Variants in INF2 observed in about 807,000 individuals in gnomAD.
INF2 encodes inverted formin 2.
Under a neutral mutation model 123.5 loss-of-function variants are expected in INF2, and 43 were observed. That is an observed-to-expected ratio of 0.35 (90% CI 0.27 to 0.45). The LOEUF is 0.45. Among genes scored for constraint, INF2 ranks in the 20% least tolerant of loss-of-function variants. INF2 has a pLI of 1.00. For synonymous variants in INF2, 851 were observed against 745.0 expected, an observed-to-expected ratio of 1.14 and a Z score of -2.32; for missense variants, 1,453 against 1,682.7, an observed-to-expected ratio of 0.86 and a Z score of 2.39.
chr14:104,698,042 CGAA>C (rs1889275019), intron 1 of INF2, among the ~76,000 whole-genome samples: 1 of 152,218 alleles, frequency 6.6e-6, no homozygotes, highest in Non-Finnish European at 1.5e-5. Context: ...GAAAAGATTG[CGAA>C]GAACGCAAAT....
Position 104,708,452 on chromosome 14 carries a change from G to C in INF2, c.1752G>C (p.Trp584Cys). Reference sequence around the variant, plus strand: ...ACCCGACAGAGCACAACTCTATGTGGGCGTCCCTGAGCAGCCCCGACGCCG... The same window carrying C: ...ACCCGACAGAGCACAACTCTATGTGCGCGTCCCTGAGCAGCCCCGACGCCG... The part of the protein sequence containing the change: ...SNVAREHNSM[W>C]ASLSSPDAEA... The change falls in exon 9 of 23, where the codon TGG (tryptophan) becomes TGC (cysteine). Residue 584 changes from tryptophan (W) to cysteine (C), a missense_variant. Trp to Cys is a radical substitution (Grantham distance 215). Around this residue, in one of 8 missense-constraint regions of INF2, gnomAD observed 192 missense variants for 274.4 expected, o/e 0.70. Coordinates refer to ENST00000392634, the MANE Select transcript of INF2 (RefSeq NM_022489.4). 1.2e-6 allele frequency: 2 copies of C among 1,612,244 alleles called. No homozygotes were observed. The highest frequency in any genetic ancestry group is 1.7e-6 in the Non-Finnish European group (2 of 1,179,790).
In INF2 at chr14:104,684,148, A is replaced by G. The variant is rs1166824362; in HGVS notation, c.-104+2566A>G. The stretch of plus-strand genomic sequence containing the variant: ...GCTGAGCGGCTCTCCCCATCATGCA[A>G]GTAACCTGCGTGCCGCCACGGGAAA... On this transcript the variant is annotated intron_variant, in intron 1 of 2. Coordinates refer to the INF2 transcript ENST00000674723. This position sits in a 1 kb window ranked among gnomAD's most constrained non-coding sequence, Gnocchi z 5.0. The G allele has an allele frequency of 6.6e-6, 3 of 455,938 alleles. No homozygotes were observed. Among genetic ancestry groups the G allele is most frequent in the South Asian group, 4.6e-5 (3 of 64,524 alleles). The allele number at this position is 455,938 out of a possible 1,614,324, so 28.2% of individuals were successfully genotyped here.
At position 104,711,991 on chromosome 14, in the gene INF2, C is replaced by T. The variant is rs112598276; in HGVS notation, c.2489+292C>T. Among the ~76,000 whole-genome samples the T allele has an allele frequency of 0.021, 3,234 of 152,296 alleles. 65 individuals carry two copies. Among genetic ancestry groups the T allele is most frequent in the African/African-American group, 0.057 (2,359 of 41,568 alleles). The stretch of plus-strand genomic sequence containing the variant: ...AGCCCCTTCACAAGGTGGACCTTCA[C>T]GACAGCCGTGAGCAGGCTCGGGCCT... On this transcript the variant is annotated intron_variant, in intron 16 of 22. Coordinates refer to ENST00000392634, the MANE Select transcript of INF2 (RefSeq NM_022489.4).
Position 104,721,290 on chromosome 14 carries a change from CGTCTGCGT to C in INF2, c.*2498_*2505del. 2 of 130,324 alleles carry C rather than the reference CGTCTGCGT, an allele frequency of 1.5e-5. No homozygotes were observed. Among genetic ancestry groups the C allele is most frequent in the African/African-American group, 3.1e-5 (1 of 32,388 alleles). The allele number at this position is 130,324 out of a possible 1,614,324, so 8.1% of individuals were successfully genotyped here. ...AGTCTCGTGTGGATGCTGCTGTGGA[CGTCTGCGT>C]AGTCTCGTGTGGATGCTGCTGTGGA... On this transcript the variant is annotated 3_prime_UTR_variant, in exon 23 of 23. Transcript: ENST00000392634.
At position 104,715,309 on chromosome 14, in the gene INF2, T is replaced by G; in HGVS notation, c.3720T>G (p.Asn1240Lys). The part of the protein sequence containing the change: ...QEEVPPDSDD[N>K]KTKKLCVIQ ...AGGTTCCCCCTGATTCTGATGATAA[T>G]AAAACAAAGAAACTGTGTGTGATCC... Residue 1240 changes from asparagine to lysine, a missense_variant, in exon 22 of 23, where the codon AAT becomes AAG. Physicochemically the swap from Asn to Lys is moderately conservative, Grantham distance 94. Transcript: ENST00000392634. 6.2e-7 allele frequency: 1 copy of G among 1,613,610 alleles called. No individual in the cohort carries two copies. The highest frequency in any genetic ancestry group is 8.5e-7 in the Non-Finnish European group (1 of 1,179,838).
upstream of INF2, chr14:104,689,517 C>T: frequency 7.8e-6 from 4 of 511,382 alleles, no homozygotes; most frequent in Non-Finnish European, 1.0e-5. Flanking sequence ...CCACCTCCCC[C>T]CCCAGGCCCC....
At position 104,689,694 on chromosome 14, in the gene INF2, A is replaced by C; in HGVS notation, c.-55A>C. On this transcript the variant is annotated 5_prime_UTR_variant, in exon 1 of 23. Coordinates refer to ENST00000392634, the MANE Select transcript of INF2 (RefSeq NM_022489.4). ...CCCGCAGCCCCTGACCCGGCCCCGGACGGAGCGCCGGCCGCACCACCGCCC... is the reference window on the plus strand; with the variant it reads ...CCCGCAGCCCCTGACCCGGCCCCGGCCGGAGCGCCGGCCGCACCACCGCCC... The C allele has an allele frequency of 1.0e-6, 1 of 984,264 alleles. No homozygotes were observed. The highest frequency in any genetic ancestry group is 1.2e-6 in the Non-Finnish European group (1 of 829,594). The allele number at this position is 984,264 out of a possible 1,614,324, so 61.0% of individuals were successfully genotyped here.
intron 1 of INF2, among the ~76,000 whole-genome samples, chr14:104,693,051 C>T (rs894442918): frequency 6.6e-6 from 1 of 152,252 alleles, no homozygotes; most frequent in Non-Finnish European, 1.5e-5. Flanking sequence ...CCAGAAGGAG[C>T]AGATGGGCAC....
In INF2 at chr14:104,714,221, C is replaced by T. The variant is rs368372551; in HGVS notation, c.3059C>T (p.Ala1020Val). ...CATCCAGTGGCCACCAGTAACCCTG[C>T]AGGAGATCCCGTGGGCAGCACGCGC... The part of the protein sequence containing the change: ...ATEPVATSNP[A>V]GDPVGSTRCP... Residue 1020 changes from alanine (A) to valine (V), a missense_variant, in exon 21 of 23, where the codon GCA (alanine) becomes GTA (valine). Transcript: ENST00000392634. 131 of 1,547,822 alleles carry T rather than the reference C, an allele frequency of 8.5e-5. No homozygotes were observed. The highest frequency in any genetic ancestry group is 1.1e-4 in the Non-Finnish European group (125 of 1,148,890).
upstream of INF2, among the ~76,000 whole-genome samples, chr14:104,688,167 A>G (rs1331390480): frequency 6.6e-6 from 1 of 152,222 alleles, no homozygotes; most frequent in Non-Finnish European, 1.5e-5. Context: ...GCGGCCGCCC[A>G]GGTTGGAGGG....
chr14:104,707,695 A>T lies in INF2; in HGVS notation c.1428A>T (p.Leu476=). The change falls in exon 8 of 23, where the codon CTA becomes CTT. Residue 476 remains leucine, a synonymous_variant. Coordinates refer to ENST00000392634, the MANE Select transcript of INF2 (RefSeq NM_022489.4). ...LGAMAPPAPP[L]PPPLPGSCEF... is the part of the protein sequence containing the mutation. ...CCATGGCCCCCCCAGCACCTCCTCT[A>T]CCACCACCCCTGCCAGGCTCCTGTG... 2.3e-6 allele frequency: 2 copies of T among 872,332 alleles called. No individual in the cohort carries two copies. Among genetic ancestry groups the T allele is most frequent in the Non-Finnish European group, 3.3e-6 (2 of 609,670 alleles). 54.0% of individuals were successfully genotyped at this position (872,332 alleles called of 1,614,324 possible).
chr14:104,717,154 T>C (rs1390127263), intron 22 of INF2, among the ~76,000 whole-genome samples: 2 of 152,216 alleles, frequency 1.3e-5, no homozygotes, highest in Non-Finnish European at 2.9e-5. Flanking sequence ...GAGTTTCTTA[T>C]AAACATCATG....
At chr14:104,687,801 C>CT (rs1293871001), upstream of INF2, among the ~76,000 whole-genome samples, 1 of 152,192 alleles carries the variant, frequency 6.6e-6, no homozygotes, top group Non-Finnish European at 1.5e-5. This position sits in a 1 kb window ranked among gnomAD's most constrained non-coding sequence, Gnocchi z 5.6. Context: ...AGGACTCTGA[C>CT]TTTCCCCCAG....
Position 104,709,399 on chromosome 14 carries a change from C to T in INF2, c.2052+16C>T, listed in dbSNP as rs751144663. ...GAAGCACGAGGTAAGAGGACCACCC[C>T]CACACCCCACCCCCAGTTAGTGCCA... On this transcript the variant is annotated intron_variant, in intron 11 of 22. Coordinates refer to ENST00000392634, the MANE Select transcript of INF2 (RefSeq NM_022489.4). 15 of 1,582,450 alleles carry T rather than the reference C, an allele frequency of 9.5e-6. No individual in the cohort carries two copies. Among genetic ancestry groups the T allele is most frequent in the Middle Eastern group, 3.3e-4 (2 of 6,034 alleles).
chr14:104,704,887 G>T lies in INF2; in HGVS notation c.701+938G>T, dbSNP rs981281233. The T allele has an allele frequency of 1.3e-5, 2 of 152,224 alleles. 1 individual carries two copies. The highest frequency in any genetic ancestry group is 2.9e-5 in the Non-Finnish European group (2 of 68,044). The allele number at this position is 152,224 out of a possible 1,614,324, so 9.4% of individuals were successfully genotyped here. A position where few individuals can be genotyped will look rare whatever the true frequency, so the allele number is the denominator to read the frequency against. ...CACAACAGACGATATTTTGGTGTAAGTATATCCCAGATGTTGCATGGGATA... is the reference window on the plus strand; with the variant it reads ...CACAACAGACGATATTTTGGTGTAATTATATCCCAGATGTTGCATGGGATA... On this transcript the variant is annotated intron_variant, in intron 5 of 22. Transcript: ENST00000392634.
upstream of INF2, chr14:104,685,013 T>C (rs908995480): frequency 6.6e-6 from 1 of 152,216 alleles, no homozygotes; most frequent in South Asian, 2.1e-4. Flanking sequence ...CAAGTATTGA[T>C]CTTATTTTAT....
chr14:104,714,730 G>A lies in INF2; in HGVS notation c.3568G>A (p.Asp1190Asn), dbSNP rs1473568112. 5 of 1,605,408 alleles carry A rather than the reference G, an allele frequency of 3.1e-6. No homozygotes were observed. The African/African-American group carries it at 6.7e-5, about 21-fold the overall frequency. Residue 1190 changes from aspartate to asparagine, a missense_variant, in exon 21 of 23, where the codon GAC becomes AAC. By Grantham distance (23) the Asp-to-Asn change is conservative (BLOSUM62 1). Around this residue, in one of 8 missense-constraint regions of INF2, gnomAD observed 344 missense variants for 333.1 expected, o/e 1.03. Transcript: ENST00000392634. ...APESALDTSL[D>N]KSFSEDAVTD... is the part of the protein sequence containing the mutation. ...AGAGTCCGCACTGGACACATCCCTG[G>A]ACAAGTCCTTCTCCGAGGATGCGGT... is the stretch of plus-strand genomic sequence containing the variant.
chr14:104,718,915 G>A lies in INF2; in HGVS notation c.*122G>A, dbSNP rs1030978100. 14 of 1,527,586 alleles carry A rather than the reference G, an allele frequency of 9.2e-6. No homozygotes were observed. Among genetic ancestry groups the A allele is most frequent in the Admixed American group, 4.5e-5 (2 of 44,208 alleles). The allele number at this position is 1,527,586 out of a possible 1,614,324, so 94.6% of individuals were successfully genotyped here. ...ACTGGGCCCCGGAAACCAAAACTCC[G>A]TGCCTTACCCAGCCGGGGCCCTCCT... On this transcript the variant is annotated 3_prime_UTR_variant, in exon 23 of 23. Transcript: ENST00000392634.
Position 104,707,376 on chromosome 14 carries a change from G to T in INF2, c.1109G>T (p.Gly370Val), listed in dbSNP as rs772790262. 1.4e-5 allele frequency: 22 copies of T among 1,592,692 alleles called. No individual in the cohort carries two copies. Among genetic ancestry groups the T allele is most frequent in the Middle Eastern group, 3.3e-4 (2 of 6,042 alleles). ...GCCAACCTAGACCAGAGCCAGAGGG[G>T]CAGCTCCCCGCAAAACACTACAACC... The part of the protein sequence containing the change: ...VQANLDQSQR[G>V]SSPQNTTTPK... Residue 370 changes from glycine (G) to valine (V), a missense_variant, in exon 8 of 23, where the codon GGC (glycine) becomes GTC (valine). By Grantham distance (109) the Gly-to-Val change is moderately radical. Around this residue, in one of 8 missense-constraint regions of INF2, gnomAD observed 374 missense variants for 303.7 expected, o/e 1.23. Coordinates refer to ENST00000392634, the MANE Select transcript of INF2 (RefSeq NM_022489.4).
Sources: allele counts gnomAD v4.1 joint callset (sites outside exome capture counted in the v4.1 genomes callset), GRCh38; gene constraint gnomAD v4.1.1; regional missense constraint gnomAD v4.1.1; non-coding constraint Gnocchi (gnomAD v3.1); transcripts MANE v1.5; gene names NCBI Gene and HGNC (gene_info 2026-07-23, HGNC 2026-07-21).